The following PRRC2C variants were observed in gnomAD, a reference collection of about 807,000 sequenced individuals.
The protein encoded by PRRC2C is protein PRRC2C.
PRRC2C carries 72 observed loss-of-function variants against 317.2 expected under a neutral mutation model. That is an observed-to-expected ratio of 0.23 (90% CI 0.19 to 0.28). PRRC2C has a LOEUF of 0.28. PRRC2C is among the 10% of genes least tolerant of loss of function. The pLI, the probability that PRRC2C is intolerant of heterozygous loss-of-function variation, is 1.00. For missense variants in PRRC2C, 3,074 were observed against 3,459.7 expected, an observed-to-expected ratio of 0.89 and a Z score of 2.80; for synonymous variants, 1,296 against 1,205.9, an observed-to-expected ratio of 1.07 and a Z score of -1.55.
chr1:171,589,428 C>T lies in PRRC2C; in HGVS notation c.8259C>T (p.Phe2753=). ...PLVRAPHTNT[F]PAPVQRPPMA... is the part of the protein sequence containing the mutation. The stretch of plus-strand genomic sequence containing the variant: ...TAAGAGCCCCACATACTAACACCTT[C>T]CCAGCGCCTGTTCAGAGGCCACCAA... The change falls in exon 34 of 35, where the codon TTC becomes TTT. Residue 2753 remains phenylalanine (F), a synonymous_variant. Coordinates refer to ENST00000647382, the MANE Select transcript of PRRC2C (RefSeq NM_001387844.1). 1.6e-6 allele frequency: 2 copies of T among 1,289,534 alleles called. No individual in the cohort carries two copies. Among genetic ancestry groups the T allele is most frequent in the Non-Finnish European group, 2.0e-6 (2 of 988,814 alleles). The allele number at this position is 1,289,534 out of a possible 1,614,324, so 79.9% of individuals were successfully genotyped here. A position where few individuals can be genotyped will look rare whatever the true frequency, so the allele number is the denominator to read the frequency against.
At chr1:171,545,754 A>G in intron 17 of PRRC2C, 67 bp downstream of exon 17, 1 of 785,892 alleles carries the variant, frequency 1.3e-6, no homozygotes. Context: ...TATTTGCTAC[A>G]TTTTAAAATG....
chr1:171,580,302 G>T (rs977688745), intron 28 of PRRC2C, among the ~76,000 whole-genome samples: 1 of 152,210 alleles, frequency 6.6e-6, no homozygotes, highest in African/African-American at 2.4e-5. Context: ...TCTCCTCTAT[G>T]TACGAGCTGA....
chr1:171,505,188 C>T (rs945624182), intron 1 of PRRC2C, among the ~76,000 whole-genome samples: 21 of 152,018 alleles, frequency 1.4e-4, no homozygotes, highest in Non-Finnish European at 2.6e-4. Flanking sequence ...CCACCACACC[C>T]GGCTAATTTT....
At chr1:171,510,941 A>G (rs1228328267) in intron 1 of PRRC2C, 8 of 152,202 alleles carry the variant, frequency 5.3e-5, no homozygotes, top group African/African-American at 1.4e-4. Context: ...GAACTATACA[A>G]ACGTTGGGTG....
chr1:171,579,740 C>G, intron 27 of PRRC2C, 88 bp from the exon 28 acceptor site: 1 of 1,398,124 alleles, frequency 7.2e-7, no homozygotes, highest in Non-Finnish European at 9.5e-7. Flanking sequence ...TTACTCTTTT[C>G]ATGTCTCAAA....
chr1:171,550,122 T>A lies in PRRC2C; in HGVS notation c.5009T>A (p.Val1670Glu). 6.2e-7 allele frequency: 1 copy of A among 1,608,346 alleles called. No individual in the cohort carries two copies. Among genetic ancestry groups the A allele is most frequent in the East Asian group, 2.2e-5 (1 of 44,744 alleles). ...VIIDDHPEVT[V>E]IEDPQSNLND... Reference sequence around the variant, plus strand: ...ATTGATGATCATCCTGAAGTAACAGTAATTGAAGATCCCCAGTCAAATTTG... The same window carrying A: ...ATTGATGATCATCCTGAAGTAACAGAAATTGAAGATCCCCAGTCAAATTTG... The change falls in exon 18 of 35, where the codon GTA becomes GAA. Residue 1670 changes from valine (V) to glutamate (E), a missense_variant. Physicochemically the swap from Val to Glu is moderately radical, Grantham distance 121. This residue lies in a region of PRRC2C where 640 missense variants were observed against 676.1 expected (regional missense o/e 0.95). Transcript: ENST00000647382.
At chr1:171,518,914 G>A (rs1320197455) in intron 6 of PRRC2C, among the ~76,000 whole-genome samples, 2 of 140,870 alleles carry the variant, frequency 1.4e-5, no homozygotes, top group Admixed American at 1.5e-4. Context: ...ACAGAGTCTC[G>A]CTCTGTCACC....
intron 17 of PRRC2C, among the ~76,000 whole-genome samples, chr1:171,547,762 G>A (rs1192902602): frequency 2.0e-5 from 3 of 149,508 alleles, no homozygotes; most frequent in South Asian, 2.1e-4. Flanking sequence ...TCCTGCCTCA[G>A]CCTCCTTAAT....
At chr1:171,556,579 G>T (rs1030632394) in intron 18 of PRRC2C, among the ~76,000 whole-genome samples, 9 of 152,174 alleles carry the variant, frequency 5.9e-5, no homozygotes, top group Non-Finnish European at 7.4e-5. Flanking sequence ...ACTTCCTCAA[G>T]ACCATCTTTA....
intron 1 of PRRC2C, chr1:171,510,358 A>G (rs1571672419): frequency 6.6e-6 from 1 of 152,152 alleles, no homozygotes. Flanking sequence ...AGATTTCAGG[A>G]TTCTTAGTTA....
At chr1:171,502,874 C>T (rs1469151561) in intron 1 of PRRC2C, among the ~76,000 whole-genome samples, 1 of 152,120 alleles carries the variant, frequency 6.6e-6, no homozygotes, top group Non-Finnish European at 1.5e-5. Flanking sequence ...CAGGCATGCA[C>T]CACACACCCG....
intron 1 of PRRC2C, among the ~76,000 whole-genome samples, chr1:171,486,754 AT>A (rs1163589780): frequency 6.6e-6 from 1 of 152,142 alleles, no homozygotes; most frequent in Non-Finnish European, 1.5e-5. Context: ...GAATCGGAGG[AT>A]TTTTTGATTG....
intron 34 of PRRC2C, among the ~76,000 whole-genome samples, 197 bp downstream of exon 34, chr1:171,589,802 G>GTTTCTT (rs1650965250): frequency 8.3e-6 from 1 of 119,880 alleles, no homozygotes; most frequent in African/African-American, 3.2e-5. Context: ...TTTTCTTTTT[G>GTTTCTT]TTTCTTTTTC....
rs1373566973 is a variant in PRRC2C, at chr1:171,541,180, C to T, written c.3714C>T (p.Leu1238=). 4 of 1,612,760 alleles carry T rather than the reference C, an allele frequency of 2.5e-6. No homozygotes were observed. The highest frequency in any genetic ancestry group is 3.4e-6 in the Non-Finnish European group (4 of 1,179,542). ...CAGAGCATATACCCTCAGGGCCTCT[C>T]AGACAGCGAGAAGAAAGTGAAACAC... ...PRAEHIPSGP[L]RQREESETRS... is the part of the protein sequence containing the mutation. Residue 1238 remains leucine, a synonymous_variant, in exon 16 of 35, where the codon CTC becomes CTT. Transcript: ENST00000647382. The surrounding 1 kb of genome is among the most constrained non-coding windows in gnomAD (Gnocchi z 4.1).
chr1:171,566,387 A>T lies in PRRC2C; in HGVS notation c.6272A>T (p.Lys2091Met). The T allele has an allele frequency of 2.5e-6, 4 of 1,583,390 alleles. No homozygotes were observed. Among genetic ancestry groups the T allele is most frequent in the Non-Finnish European group, 3.4e-6 (4 of 1,164,486 alleles). ...CCTGAACCTAAAGAACAGCGGCAGA[A>T]GCAGCCACGAGCAGGACCTATCAAA... ...KIPEPKEQRQKQPRAGPIKAQ... is the reference protein window; with the variant it reads ...KIPEPKEQRQMQPRAGPIKAQ... Residue 2091 changes from lysine (K) to methionine (M), a missense_variant, in exon 21 of 35, where the codon AAG (lysine) becomes ATG (methionine). By Grantham distance (95) the Lys-to-Met change is moderately conservative. Around this residue, in one of 11 missense-constraint regions of PRRC2C, gnomAD observed 640 missense variants for 676.1 expected, o/e 0.95. Coordinates refer to ENST00000647382, the MANE Select transcript of PRRC2C (RefSeq NM_001387844.1).
chr1:171,564,662 G>A (rs929147129), intron 20 of PRRC2C, among the ~76,000 whole-genome samples: 1 of 152,184 alleles, frequency 6.6e-6, no homozygotes, highest in Admixed American at 6.5e-5. Context: ...ATAGCCTATG[G>A]CTTCTAGGCT....
chr1:171,545,597 G>T lies in PRRC2C; in HGVS notation c.4882G>T (p.Gly1628Trp). 6.2e-7 allele frequency: 1 copy of T among 1,611,430 alleles called. No individual in the cohort carries two copies. Among genetic ancestry groups the T allele is most frequent in the South Asian group, 1.1e-5 (1 of 90,390 alleles). The change falls in exon 17 of 35, where the codon GGG (glycine) becomes TGG (tryptophan). Residue 1628 changes from glycine (G) to tryptophan (W), a missense_variant. Physicochemically the swap from Gly to Trp is radical, Grantham distance 184 (BLOSUM62 -2). Coordinates refer to ENST00000647382, the MANE Select transcript of PRRC2C (RefSeq NM_001387844.1). Reference protein sequence around the residue: ...TGQKNSKDSTGKKREDPKPGP... With the variant: ...TGQKNSKDSTWKKREDPKPGP... ...ACAAAAGAACTCCAAAGATTCTACT[G>T]GGAAAAAAAGAGAAGACCCCAAACC...
chr1:171,497,092 A>G (rs7543159), intron 1 of PRRC2C, among the ~76,000 whole-genome samples: 139,510 of 152,230 alleles, frequency 0.92, 63,966 homozygotes, highest in East Asian at 0.97. Flanking sequence ...TGCCCCACCA[A>G]TACATTTGTT....
chr1:171,568,839 G>A (rs1226056657), intron 23 of PRRC2C, among the ~76,000 whole-genome samples: 1 of 131,782 alleles, frequency 7.6e-6, no homozygotes, highest in East Asian at 2.2e-4. Flanking sequence ...TGTGTAGATT[G>A]AGCTATATTG....
Sources: gnomAD v4.1 joint callset for allele counts (sites outside exome capture counted in the v4.1 genomes callset) on GRCh38, gnomAD v4.1.1 for gene constraint, gnomAD v4.1.1 regional missense constraint, Gnocchi (gnomAD v3.1) non-coding constraint, MANE v1.5 for transcripts, NCBI Gene and HGNC (gene_info 2026-07-23, HGNC 2026-07-21) for gene names.